The following PABPC4L variants were observed in gnomAD, a reference collection of about 807,000 sequenced individuals.
The protein encoded by PABPC4L is poly(A) binding protein cytoplasmic 4 like, also known as polyadenylate-binding protein 4-like.
For synonymous variants in PABPC4L, 169 were observed against 164.1 expected (o/e 1.03, Z -0.23); for missense variants, 452 against 451.4 (o/e 1.00, Z -0.01).
At chr4:134,107,046 T>C in the PABPC4L span, among the ~76,000 whole-genome samples, 3 of 151,452 alleles carry the variant, frequency 2.0e-5, no homozygotes, top group Admixed American at 2.0e-4. Context: ...AATAATAATA[T>C]ATTGATTTTG....
At chr4:134,048,644 C>T in the PABPC4L span, among the ~76,000 whole-genome samples, 7 of 152,070 alleles carry the variant, frequency 4.6e-5, no homozygotes, top group South Asian at 2.1e-4. Context: ...TGTCTTCTCT[C>T]TTACTTGTAG....
At chr4:134,027,288 T>C in the PABPC4L span, among the ~76,000 whole-genome samples, 54 of 152,210 alleles carry the variant, frequency 3.5e-4, no homozygotes, top group African/African-American at 1.3e-3. Flanking sequence ...GATGGCAGGA[T>C]GGCAGGATGG....
the PABPC4L span, among the ~76,000 whole-genome samples, chr4:133,979,928 A>G: frequency 5.9e-5 from 9 of 152,218 alleles, no homozygotes; most frequent in African/African-American, 2.2e-4. Flanking sequence ...AATAATTCCC[A>G]TTATTCAAGT....
the PABPC4L span, among the ~76,000 whole-genome samples, chr4:134,079,281 AT>A: frequency 8.6e-5 from 13 of 151,248 alleles, 1 homozygote; most frequent in East Asian, 2.0e-3. Flanking sequence ...GTTTTGTAAC[AT>A]TTTAAAAAAA....
At chr4:134,064,006 T>G in the PABPC4L span, among the ~76,000 whole-genome samples, 398 of 152,192 alleles carry the variant, frequency 2.6e-3, no homozygotes, top group Non-Finnish European at 4.6e-3. Context: ...ATGGTGGCAA[T>G]TATTGATTTG....
chr4:133,969,723 G>T, the PABPC4L span, among the ~76,000 whole-genome samples: 1 of 152,264 alleles, frequency 6.6e-6, no homozygotes, highest in South Asian at 2.1e-4. Flanking sequence ...AGAAAAAAGG[G>T]CTGCTGAGTA....
the PABPC4L span, among the ~76,000 whole-genome samples, chr4:134,080,029 A>G: frequency 6.6e-6 from 1 of 152,162 alleles, no homozygotes; most frequent in Admixed American, 6.6e-5. Flanking sequence ...ACCTACAGAC[A>G]TACTATGCTT....
At chr4:133,969,276 T>C in the PABPC4L span, among the ~76,000 whole-genome samples, 3 of 152,226 alleles carry the variant, frequency 2.0e-5, no homozygotes, top group African/African-American at 7.2e-5. Context: ...TATGAAACTT[T>C]TCTGTGAAAC....
At chr4:133,953,564 C>G in the PABPC4L span, among the ~76,000 whole-genome samples, 1 of 152,152 alleles carries the variant, frequency 6.6e-6, no homozygotes, top group Non-Finnish European at 1.5e-5. Flanking sequence ...TGCAGAAACT[C>G]AGAGGGAGTC....
At chr4:134,116,864 A>T in the PABPC4L span, among the ~76,000 whole-genome samples, 1 of 151,752 alleles carries the variant, frequency 6.6e-6, no homozygotes, top group African/African-American at 2.4e-5. Flanking sequence ...CTTATTTGGC[A>T]ATCAAAATCC....
At chr4:134,026,767 A>G in the PABPC4L span, among the ~76,000 whole-genome samples, 1 of 152,182 alleles carries the variant, frequency 6.6e-6, no homozygotes, top group Non-Finnish European at 1.5e-5. Context: ...TGTTCTATAA[A>G]AAGGAAAAAT....
chr4:134,047,798 C>A, the PABPC4L span, among the ~76,000 whole-genome samples: 1 of 115,810 alleles, frequency 8.6e-6, no homozygotes, highest in Admixed American at 1.0e-4. Flanking sequence ...TTTTTCTCTA[C>A]AGCTGCACCA....
At chr4:134,027,026 T>C in the PABPC4L span, among the ~76,000 whole-genome samples, 2 of 152,168 alleles carry the variant, frequency 1.3e-5, no homozygotes, top group Non-Finnish European at 2.9e-5. Flanking sequence ...TTTGTTACAA[T>C]CGCACTAGAA....
chr4:134,157,180 C>G, the PABPC4L span, among the ~76,000 whole-genome samples: 3 of 150,630 alleles, frequency 2.0e-5, no homozygotes, highest in Admixed American at 6.6e-5. Flanking sequence ...TTAACACTGT[C>G]CATTTTAATA....
downstream of PABPC4L, among the ~76,000 whole-genome samples, chr4:134,192,014 C>T (rs547403676): frequency 6.6e-6 from 1 of 152,050 alleles, no homozygotes; most frequent in South Asian, 2.1e-4. Flanking sequence ...CTGTCTTTGT[C>T]TATTAATATA....
chr4:134,066,253 A>G, the PABPC4L span, among the ~76,000 whole-genome samples: 1 of 152,018 alleles, frequency 6.6e-6, no homozygotes, highest in Non-Finnish European at 1.5e-5. Context: ...CATTGTAGAC[A>G]TATTTCACCT....
the PABPC4L span, among the ~76,000 whole-genome samples, chr4:134,155,412 TCA>T: frequency 5.2e-4 from 77 of 146,984 alleles, no homozygotes; most frequent in South Asian, 2.6e-3. Flanking sequence ...CTCTCCCAGT[TCA>T]CACACACACA....
the PABPC4L span, among the ~76,000 whole-genome samples, chr4:134,135,983 T>G: frequency 5.3e-5 from 8 of 152,138 alleles, no homozygotes; most frequent in African/African-American, 9.7e-5. Flanking sequence ...TTTATAAAAA[T>G]AGCATCTTTC....
At chr4:134,135,624 G>GAGTT in the PABPC4L span, among the ~76,000 whole-genome samples, 1 of 152,078 alleles carries the variant, frequency 6.6e-6, no homozygotes, top group Non-Finnish European at 1.5e-5. Flanking sequence ...CTGAGGTCGG[G>GAGTT]AGTTTGAGAC....
Sources: gnomAD v4.1 joint callset for allele counts (sites outside exome capture counted in the v4.1 genomes callset) on GRCh38, gnomAD v4.1.1 for gene constraint, MANE v1.5 for transcripts, NCBI Gene and HGNC (gene_info 2026-07-23, HGNC 2026-07-21) for gene names.